Variants in ZNF503 observed in about 807,000 individuals in gnomAD.
The protein encoded by ZNF503 is zinc finger protein 503.
In ZNF503, 15 loss-of-function variants were observed where a neutral mutation model predicts 34.4. That is an observed-to-expected ratio of 0.44 (90% confidence interval 0.29 to 0.67). The LOEUF is 0.67. Among genes scored for constraint, ZNF503 ranks in the 30% least tolerant of loss-of-function variants. The pLI is 0.13. For missense variants in ZNF503, 1,007 were observed against 926.8 expected (o/e 1.09, Z -1.12); for synonymous variants, 580 against 456.8 (o/e 1.27, Z -3.44).
chr10:75,316,289 TG>T, the ZNF503 span, among the ~76,000 whole-genome samples: 1 of 152,062 alleles, frequency 6.6e-6, no homozygotes, highest in African/African-American at 2.4e-5. Flanking sequence ...CAAGTGCACA[TG>T]GAGCATTCTC....
chr10:75,383,679 G>A, the ZNF503 span, among the ~76,000 whole-genome samples: 1 of 152,228 alleles, frequency 6.6e-6, no homozygotes, highest in East Asian at 1.9e-4. Context: ...CCTTGGCCAG[G>A]TGCTCAGATA....
At chr10:75,339,434 A>G in the ZNF503 span, among the ~76,000 whole-genome samples, 1 of 152,230 alleles carries the variant, frequency 6.6e-6, no homozygotes, top group Non-Finnish European at 1.5e-5. Context: ...AGCTTCGGAA[A>G]GAAGATGGGA....
Position 75,399,232 on chromosome 10 carries a change from C to A in ZNF503, c.1458G>T (p.Ala486=), listed in dbSNP as rs1020124449. 3.1e-6 allele frequency: 5 copies of A among 1,589,840 alleles called. No homozygotes were observed. The highest frequency in any genetic ancestry group is 4.3e-6 in the Non-Finnish European group (5 of 1,167,256). The change falls in exon 2 of 2, where the codon GCG becomes GCT. Residue 486 remains alanine, a synonymous_variant. Transcript: ENST00000372524. ...GGGAGGGCGGTGTGGCGCCAGCAGC[C>A]GCGGCGGCCGTTAGCGAGGAGTGCA... ...HGVHSSLTAA[A]AAGATPPSLA...
chr10:75,293,551 T>C, the ZNF503 span, among the ~76,000 whole-genome samples: 2 of 152,128 alleles, frequency 1.3e-5, no homozygotes, highest in African/African-American at 4.8e-5. Context: ...GCATAAGCAC[T>C]GGTCTTCCTG....
In ZNF503 at chr10:75,401,488, C is replaced by A. The variant is rs1843821627; in HGVS notation, c.-69G>T. The A allele has an allele frequency of 6.8e-7, 1 of 1,469,006 alleles. No homozygotes were observed. Among genetic ancestry groups the A allele is most frequent in the East Asian group, 2.8e-5 (1 of 35,280 alleles). The allele number at this position is 1,469,006 out of a possible 1,614,324, so 91.0% of individuals were successfully genotyped here. ...GAGGCGCGGGGCGGGCTCGGGGCTG[C>A]GCGCTCGCCCCGGGAGCAGGAGCAG... On this transcript the variant is annotated 5_prime_UTR_variant, in exon 1 of 2. Coordinates refer to ENST00000372524, the MANE Select transcript of ZNF503 (RefSeq NM_032772.6).
At chr10:75,338,950 G>T in the ZNF503 span, among the ~76,000 whole-genome samples, 71 of 152,242 alleles carry the variant, frequency 4.7e-4, no homozygotes, top group Non-Finnish European at 7.9e-4. Flanking sequence ...GTTGAAGGCC[G>T]GGCACGGTGG....
chr10:75,360,151 C>T, the ZNF503 span, among the ~76,000 whole-genome samples: 118 of 134,190 alleles, frequency 8.8e-4, 2 homozygotes, highest in Admixed American at 6.7e-3. Context: ...GACAGAATCT[C>T]GCTCTGTCAC....
At chr10:75,295,907 GA>G in the ZNF503 span, among the ~76,000 whole-genome samples, 1 of 152,042 alleles carries the variant, frequency 6.6e-6, no homozygotes, top group Non-Finnish European at 1.5e-5. The surrounding 1 kb of genome is among the most constrained non-coding windows in gnomAD (Gnocchi z 4.0). Context: ...AAGTCAGGAG[GA>G]AAAAGAACCC....
chr10:75,304,810 T>A, the ZNF503 span, among the ~76,000 whole-genome samples: 2 of 152,298 alleles, frequency 1.3e-5, no homozygotes, highest in East Asian at 3.9e-4. Flanking sequence ...AGAAGGAATT[T>A]CCATATGTAA....
the ZNF503 span, among the ~76,000 whole-genome samples, chr10:75,359,931 C>T: frequency 1.3e-5 from 2 of 152,112 alleles, no homozygotes; most frequent in African/African-American, 4.8e-5. Context: ...TGACTTCAGG[C>T]CCCTATTGTC....
At chr10:75,285,867 G>T in the ZNF503 span, among the ~76,000 whole-genome samples, 2 of 152,200 alleles carry the variant, frequency 1.3e-5, no homozygotes, top group Non-Finnish European at 2.9e-5. Context: ...CACCAGAGAA[G>T]GAGACAAGAG....
chr10:75,354,150 GC>G, the ZNF503 span, among the ~76,000 whole-genome samples: 7 of 152,352 alleles, frequency 4.6e-5, no homozygotes, highest in Admixed American at 3.3e-4. Flanking sequence ...CCCTTGGGAA[GC>G]CCAGGAAAAT....
chr10:75,397,409 G>A (rs1172092426), downstream of ZNF503, among the ~76,000 whole-genome samples: 1 of 152,012 alleles, frequency 6.6e-6, no homozygotes, highest in Non-Finnish European at 1.5e-5. Flanking sequence ...GCTGCCCCAC[G>A]TCCCCGAGGC....
chr10:75,281,867 A>C, the ZNF503 span, among the ~76,000 whole-genome samples: 1 of 152,242 alleles, frequency 6.6e-6, no homozygotes, highest in East Asian at 1.9e-4. Flanking sequence ...GGCAGACCCC[A>C]GAAATAGTGG....
At chr10:75,400,443 C>G (rs995284039) in intron 1 of ZNF503, 69 bp from the exon 2 acceptor site, 49 of 1,493,768 alleles carry the variant, frequency 3.3e-5, no homozygotes, top group Non-Finnish European at 4.1e-5. Context: ...AGAATCCTGG[C>G]TTCTGGGGTT....
At position 75,399,904 on chromosome 10, in the gene ZNF503, G is replaced by C. The variant is rs371110511; in HGVS notation, c.786C>G (p.Gly262=). 3 of 1,603,416 alleles carry C rather than the reference G, an allele frequency of 1.9e-6. No individual in the cohort carries two copies. The African/African-American group carries it at 4.0e-5, about 21-fold the overall frequency. ...KDDKKDTDVG[G]GGKGTGGASA... ...AGGCGCCCCCGGTGCCCTTGCCACCGCCGCCCACGTCGGTGTCTTTCTTGT... is the reference window on the plus strand; with the variant it reads ...AGGCGCCCCCGGTGCCCTTGCCACCCCCGCCCACGTCGGTGTCTTTCTTGT... Residue 262 remains glycine (G), a synonymous_variant, in exon 2 of 2, where the codon GGC becomes GGG. Coordinates refer to ENST00000372524, the MANE Select transcript of ZNF503 (RefSeq NM_032772.6).
At chr10:75,337,531 T>G in the ZNF503 span, among the ~76,000 whole-genome samples, 7 of 151,084 alleles carry the variant, frequency 4.6e-5, no homozygotes, top group African/African-American at 1.7e-4. Context: ...GGCAGGAGAA[T>G]CGCTTGAACC....
the ZNF503 span, among the ~76,000 whole-genome samples, chr10:75,289,927 A>T: frequency 1.3e-5 from 2 of 152,322 alleles, no homozygotes; most frequent in Middle Eastern, 6.8e-3. Context: ...CTATGCAGCC[A>T]TCACCACCAT....
the ZNF503 span, among the ~76,000 whole-genome samples, chr10:75,355,818 G>C: frequency 6.6e-6 from 1 of 152,182 alleles, no homozygotes; most frequent in Non-Finnish European, 1.5e-5. Context: ...GGGAAGCTTT[G>C]TCTCTGCTCC....
Sources: allele counts gnomAD v4.1 joint callset (sites outside exome capture counted in the v4.1 genomes callset), GRCh38; gene constraint gnomAD v4.1.1; non-coding constraint Gnocchi (gnomAD v3.1); transcripts MANE v1.5; gene names NCBI Gene and HGNC (gene_info 2026-07-23, HGNC 2026-07-21).